ADAM18: variants seen among roughly 807,000 people sequenced by gnomAD.
ADAM18 encodes the protein disintegrin and metalloproteinase domain-containing protein 18.
A neutral mutation model predicts 94.4 loss-of-function variants in ADAM18; 117 were observed. That is an observed-to-expected ratio of 1.24 (90% CI 1.07 to 1.45). The LOEUF is 1.45. ADAM18 is among the 40% of genes most tolerant of loss of function. The pLI is 0.00. For missense variants in ADAM18, 936 were observed against 880.0 expected (o/e 1.06, Z -0.81); for synonymous variants, 327 against 291.6 (o/e 1.12, Z -1.24).
intron 12 of ADAM18, among the ~76,000 whole-genome samples, chr8:39,656,009 A>G (rs1455684631): frequency 6.6e-6 from 1 of 152,134 alleles, no homozygotes; most frequent in Non-Finnish European, 1.5e-5. Flanking sequence ...GTCATGTTTT[A>G]AAATTAGAGG....
At chr8:39,677,601 C>A in intron 15 of ADAM18, 65 bp downstream of exon 15, 1 of 1,218,404 alleles carries the variant, frequency 8.2e-7, no homozygotes, top group East Asian at 2.6e-5. Flanking sequence ...TCAAGAGACA[C>A]TAAGTAGTAA....
At chr8:39,661,913 C>A (rs1393426892) in intron 12 of ADAM18, among the ~76,000 whole-genome samples, 1 of 149,930 alleles carries the variant, frequency 6.7e-6, no homozygotes, top group East Asian at 1.9e-4. Flanking sequence ...CGTAGTGTTA[C>A]AAATTAGGCT....
At chr8:39,650,343 CA>C (rs1232909302) in intron 12 of ADAM18, among the ~76,000 whole-genome samples, 1 of 152,032 alleles carries the variant, frequency 6.6e-6, no homozygotes, top group Non-Finnish European at 1.5e-5. Context: ...GTATCAAATT[CA>C]GAAAATAAGT....
intron 6 of ADAM18, among the ~76,000 whole-genome samples, chr8:39,620,841 TG>T (rs1031502713): frequency 6.6e-6 from 1 of 151,700 alleles, no homozygotes; most frequent in Admixed American, 6.6e-5. Flanking sequence ...GAGTGTGGAA[TG>T]ATAGACAATA....
chr8:39,658,568 C>G (rs901141786), intron 12 of ADAM18, among the ~76,000 whole-genome samples: 3 of 152,106 alleles, frequency 2.0e-5, no homozygotes, highest in Admixed American at 6.6e-5. Flanking sequence ...GAACGCAAGC[C>G]CACCAACACC....
chr8:39,635,877 T>C lies in ADAM18; in HGVS notation c.589-1387T>C, dbSNP rs112991380. ...AAGACCTTTTCTTGTTAAGCTGTTG[T>C]TAAAGCAGTGTTGGTTTCATAAAAC... On this transcript the variant is annotated intron_variant, in intron 7 of 19. Transcript: ENST00000265707. 4.0e-4 allele frequency among the ~76,000 whole-genome samples: 61 copies of C among 152,300 alleles called. 1 individual carries two copies. The highest frequency in any genetic ancestry group is 1.4e-3 in the African/African-American group (60 of 41,582).
chr8:39,606,385 T>A (rs937186791), intron 3 of ADAM18, 23 bp downstream of exon 3: 1 of 1,478,206 alleles, frequency 6.8e-7, no homozygotes, highest in African/African-American at 1.4e-5. Context: ...TTTTTTTTCA[T>A]TAAGGAAAAG....
intron 16 of ADAM18, among the ~76,000 whole-genome samples, chr8:39,690,458 A>C (rs1821741348): frequency 1.3e-5 from 2 of 152,146 alleles, no homozygotes; most frequent in Admixed American, 1.3e-4. Context: ...GTGGTGCTGC[A>C]GGTAGGAGGC....
chr8:39,626,664 A>C (rs1352054412), intron 6 of ADAM18, among the ~76,000 whole-genome samples: 1 of 152,094 alleles, frequency 6.6e-6, no homozygotes, highest in African/African-American at 2.4e-5. Flanking sequence ...TGTTAACCCC[A>C]AAATCATTCA....
intron 2 of ADAM18, among the ~76,000 whole-genome samples, chr8:39,602,431 G>A (rs927843060): frequency 6.6e-6 from 1 of 152,098 alleles, no homozygotes; most frequent in East Asian, 1.9e-4. Context: ...AGGTGACCAT[G>A]TCTCATGTAA....
At chr8:39,686,424 G>A (rs376635560) in intron 16 of ADAM18, among the ~76,000 whole-genome samples, 18 of 152,286 alleles carry the variant, frequency 1.2e-4, no homozygotes, top group African/African-American at 3.4e-4. Flanking sequence ...CCGTGTCCTC[G>A]CATGACAGAA....
chr8:39,585,248 C>G, intron 1 of ADAM18, 28 bp from the exon 2 acceptor site: 1 of 1,589,384 alleles, frequency 6.3e-7, no homozygotes, highest in South Asian at 1.1e-5. Flanking sequence ...AAAACAAAGA[C>G]AAAAACAAAC....
At chr8:39,608,646 T>A (rs534890867) in intron 3 of ADAM18, among the ~76,000 whole-genome samples, 3 of 152,200 alleles carry the variant, frequency 2.0e-5, no homozygotes, top group Non-Finnish European at 4.4e-5. Context: ...TCCCCAGGCC[T>A]TATCTATTGT....
chr8:39,637,212 T>C, intron 7 of ADAM18, 52 bp from the exon 8 acceptor site: 1 of 1,340,902 alleles, frequency 7.5e-7, no homozygotes, highest in Non-Finnish European at 1.0e-6. Context: ...TATCATTTCA[T>C]TCACATGGAT....
intron 17 of ADAM18, among the ~76,000 whole-genome samples, chr8:39,694,738 A>G (rs866124653): frequency 6.6e-6 from 1 of 151,542 alleles, no homozygotes; most frequent in Non-Finnish European, 1.5e-5. Flanking sequence ...GGGATGCCCT[A>G]TAATTCCTGT....
At chr8:39,665,152 T>C (rs997908140) in intron 13 of ADAM18, among the ~76,000 whole-genome samples, 1 of 152,194 alleles carries the variant, frequency 6.6e-6, no homozygotes, top group Non-Finnish European at 1.5e-5. Context: ...AAGCTGTAAT[T>C]ATGCTTTTGC....
At chr8:39,710,652 G>A (rs1414287604) in intron 18 of ADAM18, among the ~76,000 whole-genome samples, 1 of 152,148 alleles carries the variant, frequency 6.6e-6, no homozygotes, top group Admixed American at 6.5e-5. Flanking sequence ...ATATTTGAAA[G>A]CCATTAGGTT....
chr8:39,673,887 A>G (rs1282104029), intron 14 of ADAM18, among the ~76,000 whole-genome samples: 2 of 152,198 alleles, frequency 1.3e-5, no homozygotes, highest in South Asian at 2.1e-4. Flanking sequence ...TTTACCCAGT[A>G]GTCATTCAGG....
intron 18 of ADAM18, among the ~76,000 whole-genome samples, chr8:39,708,748 T>G (rs991697849): frequency 1.3e-5 from 2 of 152,202 alleles, no homozygotes; most frequent in African/African-American, 2.4e-5. Context: ...GCTGCTTCAG[T>G]GCCAGCAGTG....
Sources: allele counts gnomAD v4.1 joint callset (sites outside exome capture counted in the v4.1 genomes callset), GRCh38; gene constraint gnomAD v4.1.1; transcripts MANE v1.5; gene names NCBI Gene and HGNC (gene_info 2026-07-23, HGNC 2026-07-21).